Variants in MUC20 observed in about 807,000 individuals in gnomAD.
MUC20 encodes the protein mucin 20, cell surface associated, also known as mucin-20.
A neutral mutation model predicts 23.8 loss-of-function variants in MUC20; 14 were observed. The observed-to-expected ratio is 0.59, with a 90% CI of 0.39 to 0.92. The LOEUF (loss-of-function observed/expected upper bound fraction) is 0.92. Among genes scored for constraint, MUC20 ranks in the 40% least tolerant of loss-of-function variants. The pLI, the probability that MUC20 is intolerant of heterozygous loss-of-function variation, is 0.00. For synonymous variants in MUC20, 166 were observed against 279.3 expected (o/e 0.59, Z 4.04); for missense variants, 375 against 668.8 (o/e 0.56, Z 4.85).
At chr3:195,729,576 A>G in intron 2 of MUC20, 72 bp from the exon 3 acceptor site, 5 of 1,426,944 alleles carry the variant, frequency 3.5e-6, no homozygotes, top group Admixed American at 2.0e-5. Flanking sequence ...TCTGCCTCCC[A>G]AAGTGCTGGG....
chr3:195,730,586 G>T (rs548058991), intron 3 of MUC20, among the ~76,000 whole-genome samples: 77 of 152,122 alleles, frequency 5.1e-4, no homozygotes, highest in Non-Finnish European at 9.3e-4. Context: ...TCCTGACCTC[G>T]TGATCCACCC....
rs1406678524 is a variant in MUC20, at chr3:195,726,550, G to A, written c.1947G>A (p.Arg649=). ...CCACGCCCACGACTGCCCGGACGAG[G>A]CCGACCACAGACGTGAGTGCAGGTA... is the stretch of plus-strand genomic sequence containing the variant. The part of the protein sequence containing the change: ...PTATPTTART[R]PTTDVSAGEN... The change falls in exon 2 of 4, where the codon AGG becomes AGA. Residue 649 remains arginine (R), a synonymous_variant. Coordinates refer to ENST00000447234, the MANE Select transcript of MUC20 (RefSeq NM_001282506.2). 1 of 1,613,514 alleles carries A rather than the reference G, an allele frequency of 6.2e-7. No homozygotes were observed. The highest frequency in any genetic ancestry group is 1.3e-5 in the African/African-American group (1 of 74,956).
rs966226295 is a variant in MUC20, at chr3:195,732,511, T to C, written c.2062-639T>C. Among the ~76,000 whole-genome samples the C allele has an allele frequency of 2.0e-5, 3 of 152,306 alleles. No homozygotes were observed. The East Asian group carries it at 5.8e-4, about 29-fold the overall frequency. On this transcript the variant is annotated intron_variant, in intron 3 of 3. Transcript: ENST00000447234. ...AGTAGCTGGGATTACAGGTGCACAC[T>C]ACCACTCCTGGCTAATTTTTGTATT...
Position 195,726,562 on chromosome 3 carries a change from C to T in MUC20, c.1959C>T (p.Asp653=), listed in dbSNP as rs200511362. The T allele has an allele frequency of 9.5e-5, 153 of 1,612,436 alleles. No individual in the cohort carries two copies. The highest frequency in any genetic ancestry group is 3.2e-4 in the South Asian group (29 of 90,918). ...CTGCCCGGACGAGGCCGACCACAGA[C>T]GTGAGTGCAGGTAAGTGGCTCCTGC... ...PTTARTRPTT[D]VSAGENGGFL... is the part of the protein sequence containing the mutation. Residue 653 remains aspartate (D), a synonymous_variant, in exon 2 of 4, where the codon GAC becomes GAT. Transcript: ENST00000447234.
chr3:195,732,104 A>G (rs1713452704), intron 3 of MUC20, among the ~76,000 whole-genome samples: 1 of 152,164 alleles, frequency 6.6e-6, no homozygotes, highest in Admixed American at 6.5e-5. Context: ...CCCAGGTTCA[A>G]GCCATTCTCC....
At chr3:195,731,070 A>G (rs550436359) in intron 3 of MUC20, among the ~76,000 whole-genome samples, 2 of 152,382 alleles carry the variant, frequency 1.3e-5, no homozygotes, top group Admixed American at 1.3e-4. Flanking sequence ...TCACAGATGT[A>G]ACCGTGAAAA....
At chr3:195,730,896 G>A (rs764649428) in intron 3 of MUC20, among the ~76,000 whole-genome samples, 35 of 152,362 alleles carry the variant, frequency 2.3e-4, no homozygotes, top group Admixed American at 2.6e-4. Flanking sequence ...GTAAAGTTCC[G>A]GGGTCAGGGT....
chr3:195,728,359 A>G (rs1407691789), intron 2 of MUC20, among the ~76,000 whole-genome samples: 1 of 152,286 alleles, frequency 6.6e-6, no homozygotes, highest in Non-Finnish European at 1.5e-5. Flanking sequence ...TCAGCAAGAA[A>G]CATGTGAGCA....
chr3:195,726,681 C>T, intron 2 of MUC20, 109 bp downstream of exon 2: 3 of 1,296,920 alleles, frequency 2.3e-6, no homozygotes, highest in South Asian at 2.9e-5. Flanking sequence ...CTACTCAGAG[C>T]CTGCTCCTGA....
At position 195,726,120 on chromosome 3, in the gene MUC20, C is replaced by T. The variant is rs3828411; in HGVS notation, c.1517C>T (p.Thr506Ile). ...ACCCCACTCCCCACTAACAGCGCCA[C>T]AGAAAGAGAAGTGACAGCACCCGGG... ...VGTPLPTNSA[T>I]EREVTAPGAT... is the part of the protein sequence containing the mutation. The change falls in exon 2 of 4, where the codon ACA (threonine) becomes ATA (isoleucine). Residue 506 changes from threonine to isoleucine, a missense_variant. This residue lies in a region of MUC20 where 343 missense variants were observed against 340.2 expected (regional missense o/e 1.01). Transcript: ENST00000447234. 0.14 allele frequency: 187,304 copies of T among 1,365,240 alleles called. 2,310 individuals carry two copies. The highest frequency in any genetic ancestry group is 0.41 in the East Asian group (17,239 of 41,924). The allele number at this position is 1,365,240 out of a possible 1,614,324, so 84.6% of individuals were successfully genotyped here. A position where few individuals can be genotyped will look rare whatever the true frequency, so the allele number is the denominator to read the frequency against.
At chr3:195,727,894 C>T (rs1051737038) in intron 2 of MUC20, among the ~76,000 whole-genome samples, 1 of 139,842 alleles carries the variant, frequency 7.2e-6, no homozygotes, top group South Asian at 2.1e-4. Flanking sequence ...TTATCTGATG[C>T]CAGGCAGTGT....
At chr3:195,729,849 G>C in intron 3 of MUC20, 110 bp downstream of exon 3, 2 of 1,061,754 alleles carry the variant, frequency 1.9e-6, no homozygotes, top group Non-Finnish European at 2.8e-6. Context: ...TTGGAAGGGA[G>C]TCTCGTTTCT....
At chr3:195,730,596 C>T (rs144210950) in intron 3 of MUC20, among the ~76,000 whole-genome samples, 6,549 of 151,282 alleles carry the variant, frequency 0.043, no homozygotes, top group Middle Eastern at 0.082. Context: ...GTGATCCACC[C>T]GTCTTGGCCT....
In MUC20 at chr3:195,733,306, G is replaced by A. The variant is rs1364325864; in HGVS notation, c.*88G>A. 8.4e-6 allele frequency: 13 copies of A among 1,546,718 alleles called. No individual in the cohort carries two copies. In the Admixed American group the frequency reaches 9.9e-5, roughly 12 times the overall value. Reference sequence around the variant, plus strand: ...GCCCCCACCGACAGACTGCAGCTGCGTTACTGTGCTGAGAGGTACCCAGAA... The same window carrying A: ...GCCCCCACCGACAGACTGCAGCTGCATTACTGTGCTGAGAGGTACCCAGAA... On this transcript the variant is annotated 3_prime_UTR_variant, in exon 4 of 4. Coordinates refer to ENST00000447234, the MANE Select transcript of MUC20 (RefSeq NM_001282506.2).
intron 2 of MUC20, among the ~76,000 whole-genome samples, chr3:195,728,600 G>A (rs1469226849): frequency 1.3e-5 from 2 of 152,090 alleles, no homozygotes; most frequent in Non-Finnish European, 2.9e-5. Context: ...CCAGGGGCAG[G>A]CAGGAGACAG....
chr3:195,728,370 A>G lies in MUC20; in HGVS notation c.1970-1278A>G, dbSNP rs1216824184. Among the ~76,000 whole-genome samples the G allele has an allele frequency of 3.3e-5, 5 of 152,294 alleles. No homozygotes were observed. The South Asian group carries it at 8.3e-4, about 25-fold the overall frequency. ...AAGGTCAGCAAGAAACATGTGAGCA[A>G]AAGAATCTGTGTCATAATTAAGTTC... On this transcript the variant is annotated intron_variant, in intron 2 of 3. Transcript: ENST00000447234.
At chr3:195,721,372 C>T (rs1305228790) in intron 1 of MUC20, among the ~76,000 whole-genome samples, 8 of 151,974 alleles carry the variant, frequency 5.3e-5, no homozygotes, top group Non-Finnish European at 1.0e-4. Flanking sequence ...ACGCTGCCAT[C>T]GTAAGGGATG....
In MUC20 at chr3:195,733,289, C is replaced by T. The variant is rs775632343; in HGVS notation, c.*71C>T. 9.7e-6 allele frequency: 15 copies of T among 1,551,710 alleles called. No individual in the cohort carries two copies. The highest frequency in any genetic ancestry group is 2.7e-5 in the African/African-American group (2 of 73,160). ...TGCTGCCCCTAGCCTGGGCCCCCACCGACAGACTGCAGCTGCGTTACTGTG... is the reference window on the plus strand; with the variant it reads ...TGCTGCCCCTAGCCTGGGCCCCCACTGACAGACTGCAGCTGCGTTACTGTG... On this transcript the variant is annotated 3_prime_UTR_variant, in exon 4 of 4. Coordinates refer to ENST00000447234, the MANE Select transcript of MUC20 (RefSeq NM_001282506.2).
chr3:195,733,099 A>G, intron 3 of MUC20, 51 bp from the exon 4 acceptor site: 1 of 1,545,106 alleles, frequency 6.5e-7, no homozygotes, highest in Admixed American at 1.9e-5. Context: ...GCCTCTGGCG[A>G]GCTCATGGGC....
Sources: gnomAD v4.1 joint callset for allele counts (sites outside exome capture counted in the v4.1 genomes callset) on GRCh38, gnomAD v4.1.1 for gene constraint, gnomAD v4.1.1 regional missense constraint, MANE v1.5 for transcripts, NCBI Gene and HGNC (gene_info 2026-07-23, HGNC 2026-07-21) for gene names.